MSI2: variants seen among roughly 807,000 people sequenced by gnomAD.
MSI2 encodes RNA-binding protein Musashi homolog 2.
A neutral mutation model predicts 45.6 loss-of-function variants in MSI2; 17 were observed. That is an observed-to-expected ratio of 0.37 (90% CI 0.26 to 0.56). MSI2 has a LOEUF of 0.56. Ranked by LOEUF, MSI2 falls within the 20% of genes least tolerant of loss-of-function variation. The probability of loss-of-function intolerance (pLI) is 0.77; values close to 1 mark genes in which losing one functional copy is unlikely to be tolerated. For synonymous variants in MSI2, 156 were observed against 158.2 expected, an observed-to-expected ratio of 0.99 and a Z score of 0.11; for missense variants, 293 against 444.2, an observed-to-expected ratio of 0.66 and a Z score of 3.06.
At chr17:57,517,255 G>A (rs1461366025) in intron 6 of MSI2, among the ~76,000 whole-genome samples, 1 of 152,186 alleles carries the variant, frequency 6.6e-6, no homozygotes, top group Non-Finnish European at 1.5e-5. Context: ...GAGATTGGCT[G>A]CCAGGCAGCC....
At chr17:57,513,245 A>AT in intron 6 of MSI2, among the ~76,000 whole-genome samples, 1 of 152,258 alleles carries the variant, frequency 6.6e-6, no homozygotes, top group East Asian at 1.9e-4. Context: ...AAGTGCTGGG[A>AT]TTACAGGCAT....
At chr17:57,528,492 T>G (rs1270006576) in intron 6 of MSI2, among the ~76,000 whole-genome samples, 1 of 152,216 alleles carries the variant, frequency 6.6e-6, no homozygotes. Flanking sequence ...CTCTTTGATG[T>G]TTTTAAAAAG....
intron 7 of MSI2, among the ~76,000 whole-genome samples, chr17:57,543,602 C>T (rs1346966231): frequency 6.6e-6 from 1 of 152,178 alleles, no homozygotes; most frequent in Admixed American, 6.5e-5. Flanking sequence ...TAAGTTGATT[C>T]ATTTGCTCTG....
chr17:57,609,374 GAC>G (rs1193352561), intron 8 of MSI2, among the ~76,000 whole-genome samples: 3 of 152,198 alleles, frequency 2.0e-5, no homozygotes, highest in Non-Finnish European at 4.4e-5. Context: ...CAGACAGTCA[GAC>G]GGTCAAGGTT....
chr17:57,497,914 T>C (rs2086014364), intron 6 of MSI2, among the ~76,000 whole-genome samples: 1 of 152,178 alleles, frequency 6.6e-6, no homozygotes, highest in Admixed American at 6.5e-5. Context: ...AGAGAGCTGG[T>C]CCTTGGTACA....
chr17:57,410,058 A>G (rs944042052), intron 6 of MSI2, among the ~76,000 whole-genome samples: 4 of 146,402 alleles, frequency 2.7e-5, no homozygotes, highest in Non-Finnish European at 4.5e-5. Context: ...ACCACAGGCC[A>G]ACTTAATATT....
At chr17:57,558,279 TA>T (rs1046369523) in intron 7 of MSI2, among the ~76,000 whole-genome samples, 40 of 152,298 alleles carry the variant, frequency 2.6e-4, no homozygotes, top group Non-Finnish European at 3.5e-4. Context: ...ACGGATGCTC[TA>T]AAAATGGCCC....
At chr17:57,313,314 C>T (rs1351664077) in intron 5 of MSI2, among the ~76,000 whole-genome samples, 9 of 152,186 alleles carry the variant, frequency 5.9e-5, no homozygotes, top group Admixed American at 5.2e-4. Context: ...CGTCCACACT[C>T]GGAAGATGGT....
intron 5 of MSI2, among the ~76,000 whole-genome samples, chr17:57,365,199 T>C (rs1917106921): frequency 6.6e-6 from 1 of 152,240 alleles, no homozygotes; most frequent in African/African-American, 2.4e-5. Flanking sequence ...TTACCAGAAC[T>C]TCATTTTGCA....
At chr17:57,389,212 C>T (rs1350033080) in intron 5 of MSI2, among the ~76,000 whole-genome samples, 1 of 152,092 alleles carries the variant, frequency 6.6e-6, no homozygotes, top group Admixed American at 6.6e-5. Context: ...CTCCTGACCT[C>T]ATGATCCGCC....
At chr17:57,271,567 G>A (rs1908376264) in intron 5 of MSI2, among the ~76,000 whole-genome samples, 1 of 151,968 alleles carries the variant, frequency 6.6e-6, no homozygotes, top group African/African-American at 2.4e-5. Flanking sequence ...AAATTCCTTG[G>A]GGGTCAAGAG....
chr17:57,649,726 G>A (rs1910986558), intron 10 of MSI2, among the ~76,000 whole-genome samples: 1 of 152,208 alleles, frequency 6.6e-6, no homozygotes, highest in African/African-American at 2.4e-5. Flanking sequence ...TGACTGGTGA[G>A]GCTGGATGGC....
chr17:57,654,211 C>CAG (rs1024349516), intron 11 of MSI2, among the ~76,000 whole-genome samples: 5 of 152,222 alleles, frequency 3.3e-5, no homozygotes, highest in Non-Finnish European at 5.9e-5. Context: ...CAGGGTGTGT[C>CAG]AGGGGCTTGG....
intron 5 of MSI2, among the ~76,000 whole-genome samples, chr17:57,389,510 C>G (rs994118225): frequency 1.3e-5 from 2 of 152,196 alleles, no homozygotes; most frequent in African/African-American, 2.4e-5. Context: ...ATGCCCAGCC[C>G]TGTGCTCTCA....
chr17:57,276,856 G>A (rs1908890034), intron 5 of MSI2, among the ~76,000 whole-genome samples: 1 of 152,008 alleles, frequency 6.6e-6, no homozygotes, highest in Non-Finnish European at 1.5e-5. Flanking sequence ...AAGGTTTCCT[G>A]GCTCCCAAGT....
intron 7 of MSI2, among the ~76,000 whole-genome samples, chr17:57,530,005 T>A (rs926128768): frequency 3.9e-5 from 6 of 152,214 alleles, no homozygotes; most frequent in Non-Finnish European, 8.8e-5. Flanking sequence ...ATCCTGCCTT[T>A]CTGGGTCCCT....
intron 5 of MSI2, among the ~76,000 whole-genome samples, chr17:57,356,318 T>C (rs893820417): frequency 6.6e-6 from 1 of 152,216 alleles, no homozygotes; most frequent in Admixed American, 6.5e-5. Context: ...TTTATCTTCT[T>C]GATAACTTTG....
At chr17:57,486,409 A>G (rs1332866810) in intron 6 of MSI2, among the ~76,000 whole-genome samples, 1 of 152,232 alleles carries the variant, frequency 6.6e-6, no homozygotes, top group Non-Finnish European at 1.5e-5. Context: ...TAACCCAGCA[A>G]AAACAAGGCT....
At chr17:57,445,150 G>A (rs981390000) in intron 6 of MSI2, among the ~76,000 whole-genome samples, 1 of 152,110 alleles carries the variant, frequency 6.6e-6, no homozygotes, top group South Asian at 2.1e-4. Flanking sequence ...CAGAGGAGTC[G>A]CCGCAGACTT....
Sources: allele counts gnomAD v4.1 joint callset (sites outside exome capture counted in the v4.1 genomes callset), GRCh38; gene constraint gnomAD v4.1.1; transcripts MANE v1.5; gene names NCBI Gene and HGNC (gene_info 2026-07-23, HGNC 2026-07-21).